The following KCNAB3 variants were observed in gnomAD, a reference collection of about 807,000 sequenced individuals.
KCNAB3 encodes potassium voltage-gated channel subfamily A regulatory beta subunit 3, also known as voltage-gated potassium channel subunit beta-3.
Under a neutral mutation model 67.7 loss-of-function variants are expected in KCNAB3, and 62 were observed. That is an observed-to-expected ratio of 0.92 (90% CI 0.75 to 1.13). The LOEUF (loss-of-function observed/expected upper bound fraction) is 1.13. Among genes scored for constraint, KCNAB3 ranks in the 50% most tolerant of loss-of-function variants. KCNAB3 has a pLI of 0.00. For missense variants in KCNAB3, 514 were observed against 522.9 expected (o/e 0.98, Z 0.17); for synonymous variants, 212 against 205.4 (o/e 1.03, Z -0.27).
In KCNAB3 at chr17:7,923,045, G is replaced by GAGCGGGGCTCGGGCGGGTGC; in HGVS notation, c.*37_*56dup. ...CCGGAGCGGGAGAGGCGGCTGCGAG[G>GAGCGGGGCTCGGGCGGGTGC]AGCGGGGCTCGGGCGGGTGCAGCGA... On this transcript the variant is annotated 3_prime_UTR_variant, in exon 14 of 14. Coordinates refer to ENST00000303790, the MANE Select transcript of KCNAB3 (RefSeq NM_004732.4). 1 of 1,534,384 alleles carries GAGCGGGGCTCGGGCGGGTGC rather than the reference G, an allele frequency of 6.5e-7. No individual in the cohort carries two copies. The highest frequency in any genetic ancestry group is 9.0e-7 in the Non-Finnish European group (1 of 1,108,250).
rs1431791949 is a variant in KCNAB3 at position 7,929,800 on chromosome 17, C to G, written c.-365G>C. The stretch of plus-strand genomic sequence containing the variant: ...GGGCGGGAGAGAGATGCCACTTCAG[C>G]GCGAACCGCTGCGGGACCCGCTGGG... On this transcript the variant is annotated 5_prime_UTR_variant, in exon 1 of 14. Transcript: ENST00000303790. This position sits in a 1 kb window ranked among gnomAD's most constrained non-coding sequence, Gnocchi z 5.7. The G allele has an allele frequency of 9.4e-7, 1 of 1,059,786 alleles. No individual in the cohort carries two copies. The highest frequency in any genetic ancestry group is 3.0e-5 in the South Asian group (1 of 33,218). The allele number at this position is 1,059,786 out of a possible 1,614,324, so 65.6% of individuals were successfully genotyped here. A position where few individuals can be genotyped will look rare whatever the true frequency, so the allele number is the denominator to read the frequency against.
In KCNAB3 at chr17:7,929,479, G is replaced by T. The variant is rs774514910; in HGVS notation, c.-44C>A. On this transcript the variant is annotated 5_prime_UTR_variant, in exon 1 of 14. Coordinates refer to ENST00000303790, the MANE Select transcript of KCNAB3 (RefSeq NM_004732.4). The surrounding 1 kb of genome is among the most constrained non-coding windows in gnomAD (Gnocchi z 5.7). ...GGGAGGGGGCTCCGAGGGGACGGGA[G>T]GGGGGAGCAGGGAAGCCCGAGGGCT... The T allele has an allele frequency of 5.2e-6, 8 of 1,538,604 alleles. No homozygotes were observed. Among genetic ancestry groups the T allele is most frequent in the Middle Eastern group, 2.3e-4 (1 of 4,372 alleles).
chr17:7,924,555 C>G (rs1211238925), intron 8 of KCNAB3, 55 bp from the exon 9 acceptor site: 3 of 1,542,642 alleles, frequency 1.9e-6, no homozygotes, highest in South Asian at 1.2e-5. Context: ...ATCTAAGACT[C>G]CAGATTTGCA....
chr17:7,926,700 C>T (rs372589249), intron 4 of KCNAB3, among the ~76,000 whole-genome samples: 24 of 152,038 alleles, frequency 1.6e-4, no homozygotes, highest in African/African-American at 5.8e-4. Context: ...TTCCTTTAAC[C>T]ACTTAGACTG....
At position 7,924,200 on chromosome 17, in the gene KCNAB3, A is replaced by T. The variant is rs959229040; in HGVS notation, c.777T>A (p.His259Gln). 9 of 1,614,214 alleles carry T rather than the reference A, an allele frequency of 5.6e-6. No homozygotes were observed. Among genetic ancestry groups the T allele is most frequent in the Non-Finnish European group, 7.6e-6 (9 of 1,180,030 alleles). Residue 259 changes from histidine (H) to glutamine (Q), a missense_variant, in exon 10 of 14, where the codon CAT becomes CAA. Physicochemically the swap from His to Gln is conservative, Grantham distance 24. Transcript: ENST00000303790. ...IPPVCEQAEH[H>Q]LFQREKVEMQ... ...TCTCCACCTTCTCCCTCTGAAACAG[A>T]TGGTGCTCCGCTTGTTCACACACTG...
rs1972057135 is a variant in KCNAB3, at chr17:7,922,089, A to AT, written c.*1012dup. The AT allele has an allele frequency of 6.6e-6, 1 of 152,222 alleles. No homozygotes were observed. The highest frequency in any genetic ancestry group is 2.4e-5 in the African/African-American group (1 of 41,450). 9.4% of individuals were successfully genotyped at this position (152,222 alleles called of 1,614,324 possible). ...TGAATGAGCAATGGAGAGAAAGCTAATGCTAGCAGATTTCTAATGTTAGGG... is the reference window on the plus strand; with the variant it reads ...TGAATGAGCAATGGAGAGAAAGCTAATTGCTAGCAGATTTCTAATGTTAGGG... On this transcript the variant is annotated 3_prime_UTR_variant, in exon 14 of 14. Transcript: ENST00000303790.
At position 7,923,052 on chromosome 17, in the gene KCNAB3, GC is replaced by G. The variant is rs930408072; in HGVS notation, c.*49del. 1 of 1,560,002 alleles carries G rather than the reference GC, an allele frequency of 6.4e-7. No individual in the cohort carries two copies. ...GGGAGAGGCGGCTGCGAGGAGCGGGGCTCGGGCGGGTGCAGCGACACCGGGT... is the reference window on the plus strand; with the variant it reads ...GGGAGAGGCGGCTGCGAGGAGCGGGGTCGGGCGGGTGCAGCGACACCGGGT... On this transcript the variant is annotated 3_prime_UTR_variant, in exon 14 of 14. Coordinates refer to ENST00000303790, the MANE Select transcript of KCNAB3 (RefSeq NM_004732.4).
chr17:7,929,655 A>G lies in KCNAB3; in HGVS notation c.-220T>C. 7.1e-7 allele frequency: 1 copy of G among 1,417,748 alleles called. No individual in the cohort carries two copies. Among genetic ancestry groups the G allele is most frequent in the Non-Finnish European group, 9.2e-7 (1 of 1,092,770 alleles). 87.8% of individuals were successfully genotyped at this position (1,417,748 alleles called of 1,614,324 possible). On this transcript the variant is annotated 5_prime_UTR_variant, in exon 1 of 14. Coordinates refer to ENST00000303790, the MANE Select transcript of KCNAB3 (RefSeq NM_004732.4). This position sits in a 1 kb window ranked among gnomAD's most constrained non-coding sequence, Gnocchi z 5.7. ...GGAGGGAAGAAACGTGGGGGGCGCC[A>G]GGAGTGGAGATATTCAGTTACGGGG...
chr17:7,929,815 G>GATCT lies in KCNAB3; in HGVS notation c.-381_-380insAGAT. The GATCT allele has an allele frequency of 9.7e-7, 1 of 1,030,038 alleles. No homozygotes were observed. Among genetic ancestry groups the GATCT allele is most frequent in the Non-Finnish European group, 1.2e-6 (1 of 858,802 alleles). The allele number at this position is 1,030,038 out of a possible 1,614,324, so 63.8% of individuals were successfully genotyped here. A position where few individuals can be genotyped will look rare whatever the true frequency, so the allele number is the denominator to read the frequency against. On this transcript the variant is annotated 5_prime_UTR_variant, in exon 1 of 14. Coordinates refer to ENST00000303790, the MANE Select transcript of KCNAB3 (RefSeq NM_004732.4). This position sits in a 1 kb window ranked among gnomAD's most constrained non-coding sequence, Gnocchi z 5.7. Reference sequence around the variant, plus strand: ...GCCACTTCAGCGCGAACCGCTGCGGGACCCGCTGGGCTCCCAGCCGCGTCG... The same window carrying GATCT: ...GCCACTTCAGCGCGAACCGCTGCGGGATCTACCCGCTGGGCTCCCAGCCGCGTCG...
chr17:7,928,092 C>T (rs911164101), intron 1 of KCNAB3: 13 of 579,244 alleles, frequency 2.2e-5, no homozygotes, highest in Admixed American at 6.0e-5. Context: ...ACATTGAAGA[C>T]GTGCAGTCTG....
rs989095044 is a variant in KCNAB3, at chr17:7,922,847, A to T, written c.*255T>A. 1.8e-6 allele frequency: 1 copy of T among 549,016 alleles called. No individual in the cohort carries two copies. Among genetic ancestry groups the T allele is most frequent in the African/African-American group, 1.9e-5 (1 of 53,014 alleles). 34.0% of individuals were successfully genotyped at this position (549,016 alleles called of 1,614,324 possible). On this transcript the variant is annotated 3_prime_UTR_variant, in exon 14 of 14. Transcript: ENST00000303790. ...GCAGAGAGCCGACGGCGAGTAGCTC[A>T]TGCCCGGGATTTGCAAGAAGGGCCT...
Position 7,929,828 on chromosome 17 carries a change from C to CT in KCNAB3, c.-394_-393insA. 5 of 734,270 alleles carry CT rather than the reference C, an allele frequency of 6.8e-6. No individual in the cohort carries two copies. The highest frequency in any genetic ancestry group is 8.4e-5 in the Admixed American group (1 of 11,840). The allele number at this position is 734,270 out of a possible 1,614,324, so 45.5% of individuals were successfully genotyped here. A position where few individuals can be genotyped will look rare whatever the true frequency, so the allele number is the denominator to read the frequency against. On this transcript the variant is annotated 5_prime_UTR_variant, in exon 1 of 14. Coordinates refer to ENST00000303790, the MANE Select transcript of KCNAB3 (RefSeq NM_004732.4). The surrounding 1 kb of genome is among the most constrained non-coding windows in gnomAD (Gnocchi z 5.7). ...GAACCGCTGCGGGACCCGCTGGGCT[C>CT]CCAGCCGCGTCGGCAGCGGGCCCAG... is the stretch of plus-strand genomic sequence containing the variant.
rs993553225 is a variant in KCNAB3 at position 7,923,837 on chromosome 17, G to A, written c.928-6C>T. 3 of 1,569,978 alleles carry A rather than the reference G, an allele frequency of 1.9e-6. No homozygotes were observed. The highest frequency in any genetic ancestry group is 2.7e-5 in the African/African-American group (2 of 74,054). On this transcript the variant is annotated splice_region_variant and splice_polypyrimidine_tract_variant and intron_variant, in intron 11 of 13. Coordinates refer to ENST00000303790, the MANE Select transcript of KCNAB3 (RefSeq NM_004732.4). ...TCCTTGAGCCACTGGTAGCCCTGGA[G>A]GCCAAGAAGAATCAACAGAAGACCC...
At position 7,924,013 on chromosome 17, in the gene KCNAB3, G is replaced by A; in HGVS notation, c.882C>T (p.Ser294=). Residue 294 remains serine (S), a synonymous_variant, in exon 11 of 14, where the codon AGC becomes AGT. Coordinates refer to ENST00000303790, the MANE Select transcript of KCNAB3 (RefSeq NM_004732.4). ...WYPLACGLIT[S]KYDGRVPDTC... is the part of the protein sequence containing the mutation. ...TATCTGGGACTCGCCCATCATACTTGCTAGTAATGAGACCACAGGCTAGAG... is the reference window on the plus strand; with the variant it reads ...TATCTGGGACTCGCCCATCATACTTACTAGTAATGAGACCACAGGCTAGAG... 14 of 1,613,844 alleles carry A rather than the reference G, an allele frequency of 8.7e-6. No individual in the cohort carries two copies. The highest frequency in any genetic ancestry group is 1.2e-5 in the Non-Finnish European group (14 of 1,179,988).
At chr17:7,928,779 G>A (rs1489266631) in intron 1 of KCNAB3, among the ~76,000 whole-genome samples, 1 of 152,212 alleles carries the variant, frequency 6.6e-6, no homozygotes, top group Non-Finnish European at 1.5e-5. Context: ...GCAGGCAGGG[G>A]CAGTATCTGG....
chr17:7,927,183 G>T, intron 4 of KCNAB3, 161 bp downstream of exon 4: 1 of 706,608 alleles, frequency 1.4e-6, no homozygotes, highest in Non-Finnish European at 2.6e-6. Context: ...GACTAATGTT[G>T]GGACTGTAGC....
In KCNAB3 at chr17:7,927,423, T is replaced by C. The variant is rs1180743406; in HGVS notation, c.325A>G (p.Thr109Ala). ...VTFGSQISDETAEDVLTVAYE... is the reference protein window; with the variant it reads ...VTFGSQISDEAAEDVLTVAYE... ...GCTACAGTCAGCACATCCTCTGCTG[T>C]CTAGGGAGGTGAAAGAGGTAAAGAT... Residue 109 changes from threonine (T) to alanine (A), a missense_variant and splice_region_variant, in exon 4 of 14, where the codon ACA (threonine) becomes GCA (alanine). Coordinates refer to ENST00000303790, the MANE Select transcript of KCNAB3 (RefSeq NM_004732.4). 1 of 1,613,768 alleles carries C rather than the reference T, an allele frequency of 6.2e-7. No individual in the cohort carries two copies. Among genetic ancestry groups the C allele is most frequent in the South Asian group, 1.1e-5 (1 of 91,078 alleles).
intron 6 of KCNAB3, 72 bp downstream of exon 6, chr17:7,925,859 C>CA: frequency 6.5e-7 from 1 of 1,535,512 alleles, no homozygotes; most frequent in Non-Finnish European, 9.0e-7. Context: ...TAGCTGTCCC[C>CA]ACCCCCACCC....
chr17:7,929,572 C>T lies in KCNAB3; in HGVS notation c.-137G>A, dbSNP rs1972358909. 2 of 1,455,622 alleles carry T rather than the reference C, an allele frequency of 1.4e-6. No homozygotes were observed. 90.2% of individuals were successfully genotyped at this position (1,455,622 alleles called of 1,614,324 possible). On this transcript the variant is annotated 5_prime_UTR_variant, in exon 1 of 14. Coordinates refer to ENST00000303790, the MANE Select transcript of KCNAB3 (RefSeq NM_004732.4). The surrounding 1 kb of genome is among the most constrained non-coding windows in gnomAD (Gnocchi z 5.7). Reference sequence around the variant, plus strand: ...AGGCTGAGGAGGCTGCGGCGGGAGCCGCCAGGCAGGATCGGGCCCGCGGGG... The same window carrying T: ...AGGCTGAGGAGGCTGCGGCGGGAGCTGCCAGGCAGGATCGGGCCCGCGGGG...
Sources: allele counts gnomAD v4.1 joint callset (sites outside exome capture counted in the v4.1 genomes callset), GRCh38; gene constraint gnomAD v4.1.1; non-coding constraint Gnocchi (gnomAD v3.1); transcripts MANE v1.5; gene names NCBI Gene and HGNC (gene_info 2026-07-23, HGNC 2026-07-21).